RORB: variants seen among roughly 807,000 people sequenced by gnomAD.
RORB encodes nuclear receptor ROR-beta.
In RORB, 6 loss-of-function variants were observed where a neutral mutation model predicts 59.1. That is an observed-to-expected ratio of 0.10 (90% CI 0.06 to 0.20). RORB has a LOEUF of 0.20. Ranked by LOEUF, RORB falls within the 10% of genes least tolerant of loss-of-function variation. The pLI is 1.00. For synonymous variants in RORB, 215 were observed against 204.5 expected (o/e 1.05, Z -0.44); for missense variants, 320 against 560.5 (o/e 0.57, Z 4.33).
intron 1 of RORB, among the ~76,000 whole-genome samples, chr9:74,511,267 G>A (rs546689570): frequency 3.9e-5 from 6 of 152,034 alleles, no homozygotes; most frequent in Admixed American, 6.6e-5. Flanking sequence ...AAAAGACATC[G>A]TCCTGACCTC....
intron 4 of RORB, among the ~76,000 whole-genome samples, chr9:74,652,172 C>T (rs752853458): frequency 2.0e-5 from 3 of 152,124 alleles, no homozygotes; most frequent in Admixed American, 6.6e-5. Context: ...TTTGGGAGGC[C>T]GAGGCGGGCA....
intron 9 of RORB, among the ~76,000 whole-genome samples, chr9:74,679,802 A>G (rs1824513631): frequency 6.6e-6 from 1 of 152,152 alleles, no homozygotes; most frequent in Non-Finnish European, 1.5e-5. Flanking sequence ...TCATTCATCA[A>G]ATTGCAAGTT....
chr9:74,622,261 A>G lies in RORB; in HGVS notation c.8-8021A>G, dbSNP rs959313102. On this transcript the variant is annotated intron_variant, in intron 1 of 9. Transcript: ENST00000376896. ...AAGGGGTTTAGAAAAAAAATAAGGA[A>G]CTAAAGAGAGACGAGTTTTATTTAC... Among the ~76,000 whole-genome samples, 121 of 152,292 alleles carry G rather than the reference A, an allele frequency of 7.9e-4. 1 individual carries two copies. The highest frequency in any genetic ancestry group is 1.2e-4 in the Non-Finnish European group (8 of 68,036).
intron 1 of RORB, among the ~76,000 whole-genome samples, chr9:74,508,760 C>T (rs964480744): frequency 3.5e-4 from 53 of 151,896 alleles, no homozygotes; most frequent in African/African-American, 1.1e-3. Flanking sequence ...CTCAAATGTC[C>T]AATATTGATT....
chr9:74,584,440 A>T (rs1291917729), intron 1 of RORB, among the ~76,000 whole-genome samples: 1 of 152,232 alleles, frequency 6.6e-6, no homozygotes, highest in East Asian at 1.9e-4. Context: ...ATTAAATGAG[A>T]TAATAGATAA....
intron 1 of RORB, among the ~76,000 whole-genome samples, chr9:74,527,818 T>C (rs1207890823): frequency 1.3e-5 from 2 of 151,972 alleles, no homozygotes; most frequent in Non-Finnish European, 2.9e-5. Context: ...ACTAAGAATG[T>C]TTTCACTCTT....
intron 9 of RORB, among the ~76,000 whole-genome samples, chr9:74,683,700 G>T (rs1005919545): frequency 6.6e-6 from 1 of 152,058 alleles, no homozygotes; most frequent in East Asian, 1.9e-4. Context: ...ACTTTCTCAG[G>T]ACAGCCATCC....
intron 1 of RORB, among the ~76,000 whole-genome samples, chr9:74,528,038 A>G (rs551288138): frequency 5.0e-4 from 76 of 152,130 alleles, no homozygotes; most frequent in Non-Finnish European, 8.1e-4. Flanking sequence ...GTTTGCTATA[A>G]TTTATTTTTA....
intron 3 of RORB, among the ~76,000 whole-genome samples, chr9:74,637,258 T>A (rs1823720110): frequency 6.6e-6 from 1 of 152,216 alleles, no homozygotes; most frequent in South Asian, 2.1e-4. Context: ...GCTCCAAGAA[T>A]GTTTATTTCA....
Position 74,630,702 on chromosome 9 carries a change from A to G in RORB, c.93+335A>G, listed in dbSNP as rs1418293611. 2.0e-5 allele frequency among the ~76,000 whole-genome samples: 3 copies of G among 152,282 alleles called. No individual in the cohort carries two copies. The East Asian group carries it at 5.8e-4, about 29-fold the overall frequency. ...CCAAGGCACTTATTACTATATGAAA[A>G]AACTAAAGGTTAAAATAAAGATTAT... On this transcript the variant is annotated intron_variant, in intron 2 of 9. Transcript: ENST00000376896.
intron 1 of RORB, among the ~76,000 whole-genome samples, chr9:74,529,985 T>C (rs920296046): frequency 6.6e-6 from 1 of 151,990 alleles, no homozygotes; most frequent in Admixed American, 6.6e-5. Context: ...AAAAAGTGCA[T>C]CAGACTGATG....
intron 1 of RORB, among the ~76,000 whole-genome samples, chr9:74,563,833 C>T (rs1309885447): frequency 6.6e-6 from 1 of 152,196 alleles, no homozygotes; most frequent in African/African-American, 2.4e-5. Flanking sequence ...GATGCAGACA[C>T]TGCCAGAGCT....
At chr9:74,654,986 C>A (rs1824056634) in intron 4 of RORB, among the ~76,000 whole-genome samples, 1 of 152,162 alleles carries the variant, frequency 6.6e-6, no homozygotes, top group Admixed American at 6.5e-5. Flanking sequence ...GCAATACACA[C>A]CCAATTTTTC....
At chr9:74,652,891 C>T (rs926057362) in intron 4 of RORB, among the ~76,000 whole-genome samples, 1 of 152,208 alleles carries the variant, frequency 6.6e-6, no homozygotes, top group African/African-American at 2.4e-5. Context: ...TCCTACTCTT[C>T]CTCCGAATCT....
intron 1 of RORB, among the ~76,000 whole-genome samples, chr9:74,543,486 T>G (rs1207994437): frequency 6.6e-6 from 1 of 152,190 alleles, no homozygotes; most frequent in Non-Finnish European, 1.5e-5. Context: ...AGCCCATTTT[T>G]TGTTTGTGCC....
At chr9:74,626,752 A>G (rs1823524441) in intron 1 of RORB, among the ~76,000 whole-genome samples, 1 of 152,248 alleles carries the variant, frequency 6.6e-6, no homozygotes, top group South Asian at 2.1e-4. Context: ...ACAATTCCAC[A>G]AGAGCCTATG....
chr9:74,622,401 A>G (rs1357483622), intron 1 of RORB, among the ~76,000 whole-genome samples: 1 of 151,932 alleles, frequency 6.6e-6, no homozygotes, highest in African/African-American at 2.4e-5. Context: ...CACAGAGAGG[A>G]GAGGTTTGGG....
rs1824167816 is a variant in RORB at position 74,660,745 on chromosome 9, T to C, written c.759+7T>C. On this transcript the variant is annotated splice_region_variant and intron_variant, in intron 5 of 9. Coordinates refer to ENST00000376896, the MANE Select transcript of RORB (RefSeq NM_006914.4). ...TAAAGCATATCAAAGCAAGGTACTC[T>C]GGGAAACCATGAGAAAGTTTTTCTG... 3.7e-6 allele frequency: 6 copies of C among 1,607,482 alleles called. No individual in the cohort carries two copies. The Admixed American group carries it at 5.2e-5, about 14-fold the overall frequency.
chr9:74,629,117 A>G (rs1823572921), intron 1 of RORB, among the ~76,000 whole-genome samples: 1 of 151,940 alleles, frequency 6.6e-6, no homozygotes, highest in South Asian at 2.1e-4. Context: ...TAATCATATA[A>G]TCTAGCTTCT....
Sources: allele counts gnomAD v4.1 joint callset (sites outside exome capture counted in the v4.1 genomes callset), GRCh38; gene constraint gnomAD v4.1.1; transcripts MANE v1.5; gene names NCBI Gene and HGNC (gene_info 2026-07-23, HGNC 2026-07-21).